The following GRID1 variants were observed in gnomAD, a reference collection of about 807,000 sequenced individuals.
GRID1 encodes the protein glutamate ionotropic receptor delta type subunit 1, also known as glutamate receptor ionotropic, delta-1.
A neutral mutation model predicts 98.0 loss-of-function variants in GRID1; 28 were observed. The ratio of observed to expected loss-of-function variants is 0.29; its 90% CI spans 0.21 to 0.39. The LOEUF (loss-of-function observed/expected upper bound fraction) is 0.39, where lower values mean the gene tolerates loss of function less well. GRID1 is among the 10% of genes least tolerant of loss of function. GRID1 has a pLI of 1.00. For synonymous variants in GRID1, 553 were observed against 538.5 expected (o/e 1.03, Z -0.37); for missense variants, 1,111 against 1,340.5 (o/e 0.83, Z 2.67).
At chr10:86,243,096 A>G (rs761739196) in intron 2 of GRID1, among the ~76,000 whole-genome samples, 42 of 151,662 alleles carry the variant, frequency 2.8e-4, no homozygotes, top group Non-Finnish European at 5.4e-4. Flanking sequence ...ATGCATATCA[A>G]CTGTAATTCT....
At chr10:86,102,440 C>CAGGCCCAT (rs1844309886) in intron 4 of GRID1, among the ~76,000 whole-genome samples, 1 of 152,250 alleles carries the variant, frequency 6.6e-6, no homozygotes, top group African/African-American at 2.4e-5. Flanking sequence ...GAAAGGGTCA[C>CAGGCCCAT]AGGCCCATTT....
At chr10:86,012,973 A>G (rs1842937835) in intron 4 of GRID1, among the ~76,000 whole-genome samples, 1 of 152,216 alleles carries the variant, frequency 6.6e-6, no homozygotes, top group South Asian at 2.1e-4. Context: ...TAATACCACG[A>G]TCTTTGGGGT....
At chr10:86,303,957 T>C (rs1564733841) in intron 2 of GRID1, among the ~76,000 whole-genome samples, 1 of 152,222 alleles carries the variant, frequency 6.6e-6, no homozygotes, top group African/African-American at 2.4e-5. Flanking sequence ...CCCTTTTTAG[T>C]CTCAGGTCAT....
At chr10:86,152,052 G>A (rs955445935) in intron 3 of GRID1, among the ~76,000 whole-genome samples, 3 of 152,262 alleles carry the variant, frequency 2.0e-5, no homozygotes, top group African/African-American at 4.8e-5. Flanking sequence ...GTTTGAGGAT[G>A]TACTAGGAAC....
chr10:86,062,420 C>T lies in GRID1; in HGVS notation c.726+76399G>A, dbSNP rs539384670. On this transcript the variant is annotated intron_variant, in intron 4 of 15. Coordinates refer to ENST00000327946, the MANE Select transcript of GRID1 (RefSeq NM_017551.3). ...CATCTAGGGGTCTTCTCCGGAGGTCCCACTCAGATTCGCTTCCACCCCTGC... is the reference window on the plus strand; with the variant it reads ...CATCTAGGGGTCTTCTCCGGAGGTCTCACTCAGATTCGCTTCCACCCCTGC... Among the ~76,000 whole-genome samples the T allele has an allele frequency of 2.0e-5, 3 of 152,074 alleles. No homozygotes were observed. The East Asian group carries it at 5.8e-4, about 29-fold the overall frequency.
intron 3 of GRID1, among the ~76,000 whole-genome samples, chr10:86,183,105 G>T (rs933991560): frequency 1.3e-5 from 2 of 152,134 alleles, no homozygotes; most frequent in Non-Finnish European, 2.9e-5. Flanking sequence ...CTTCTTTGCG[G>T]TCTTTCTTTC....
At chr10:85,773,210 C>G (rs1180374959) in intron 8 of GRID1, among the ~76,000 whole-genome samples, 1 of 152,022 alleles carries the variant, frequency 6.6e-6, no homozygotes, top group African/African-American at 2.4e-5. Flanking sequence ...TAAACAGAAC[C>G]AAAGACAAAA....
intron 2 of GRID1, among the ~76,000 whole-genome samples, chr10:86,269,409 C>G (rs1160208375): frequency 2.0e-5 from 3 of 152,136 alleles, no homozygotes; most frequent in Admixed American, 2.0e-4. Flanking sequence ...TCACTGAGGC[C>G]AATACTCCAA....
intron 4 of GRID1, among the ~76,000 whole-genome samples, chr10:86,099,941 G>A (rs983419641): frequency 6.6e-6 from 1 of 152,198 alleles, no homozygotes; most frequent in Non-Finnish European, 1.5e-5. Flanking sequence ...CCCTCATGGG[G>A]CTGGGGCTCT....
At chr10:86,087,610 G>A (rs1844082333) in intron 4 of GRID1, among the ~76,000 whole-genome samples, 1 of 151,678 alleles carries the variant, frequency 6.6e-6, no homozygotes, top group Admixed American at 6.6e-5. Flanking sequence ...TCCTTCACTG[G>A]CCACTCCTAT....
At chr10:85,728,799 G>C (rs549633927) in intron 9 of GRID1, among the ~76,000 whole-genome samples, 1 of 152,262 alleles carries the variant, frequency 6.6e-6, no homozygotes, top group East Asian at 1.9e-4. Context: ...AGGGTGTAAA[G>C]CTTATCTGTG....
chr10:86,180,127 A>C (rs952355491), intron 3 of GRID1, among the ~76,000 whole-genome samples: 1 of 152,102 alleles, frequency 6.6e-6, no homozygotes, highest in African/African-American at 2.4e-5. Flanking sequence ...CCAGTGGTGG[A>C]GTGGTGGAGA....
chr10:86,311,863 A>G (rs1847836859), intron 2 of GRID1, among the ~76,000 whole-genome samples: 2 of 152,234 alleles, frequency 1.3e-5, no homozygotes, highest in African/African-American at 2.4e-5. Flanking sequence ...ACCTTGTCTT[A>G]AAAGAAAAGA....
At chr10:85,781,455 A>T (rs1416720248) in intron 8 of GRID1, among the ~76,000 whole-genome samples, 1 of 152,222 alleles carries the variant, frequency 6.6e-6, no homozygotes, top group East Asian at 1.9e-4. Flanking sequence ...CTGACAAATG[A>T]ATAATCTACT....
chr10:86,346,146 CAG>C (rs772201729), intron 2 of GRID1, among the ~76,000 whole-genome samples: 3 of 152,188 alleles, frequency 2.0e-5, no homozygotes, highest in African/African-American at 4.8e-5. Context: ...CCATAGTATG[CAG>C]AGTGTCCAGA....
Position 85,613,591 on chromosome 10 carries a change from G to C in GRID1, c.2417C>G (p.Pro806Arg). 1 of 1,614,138 alleles carries C rather than the reference G, an allele frequency of 6.2e-7. No individual in the cohort carries two copies. Among genetic ancestry groups the C allele is most frequent in the Non-Finnish European group, 8.5e-7 (1 of 1,180,014 alleles). The change falls in exon 15 of 16, where the codon CCG becomes CGG. Residue 806 changes from proline (P) to arginine (R), a missense_variant. This residue lies in a region of GRID1 where 762 missense variants were observed against 869.1 expected (regional missense o/e 0.88). Coordinates refer to ENST00000327946, the MANE Select transcript of GRID1 (RefSeq NM_017551.3). ...DLDVLKQKWW[P>R]HMGRCDLTSH... ...GGTGAGGTCACAGCGGCCCATGTGC[G>C]GCCACCACTTCTGCTTCAGCACATC... is the stretch of plus-strand genomic sequence containing the variant.
intron 12 of GRID1, among the ~76,000 whole-genome samples, chr10:85,675,133 C>T (rs1040915299): frequency 2.0e-5 from 3 of 152,120 alleles, no homozygotes; most frequent in Non-Finnish European, 4.4e-5. Flanking sequence ...AAAAAGAAAC[C>T]TATTCCCAGG....
At chr10:85,983,429 G>T (rs1351667802) in intron 4 of GRID1, among the ~76,000 whole-genome samples, 1 of 152,240 alleles carries the variant, frequency 6.6e-6, no homozygotes, top group Non-Finnish European at 1.5e-5. Context: ...ACCCGGCCCT[G>T]TGGTAACTCC....
intron 4 of GRID1, among the ~76,000 whole-genome samples, chr10:86,100,924 G>C (rs1844287059): frequency 6.6e-6 from 1 of 152,158 alleles, no homozygotes; most frequent in African/African-American, 2.4e-5. Flanking sequence ...CCAACCTGTA[G>C]GGTGCATGAG....
Sources: allele counts gnomAD v4.1 joint callset (sites outside exome capture counted in the v4.1 genomes callset), GRCh38; gene constraint gnomAD v4.1.1; regional missense constraint gnomAD v4.1.1; transcripts MANE v1.5; gene names NCBI Gene and HGNC (gene_info 2026-07-23, HGNC 2026-07-21).